Variants in FOXP2 observed in about 807,000 individuals in gnomAD.
FOXP2 encodes the protein forkhead box P2, also known as forkhead box protein P2.
A neutral mutation model predicts 115.8 loss-of-function variants in FOXP2; 12 were observed. The observed-to-expected ratio is 0.10, with a 90% CI of 0.07 to 0.17. The LOEUF is 0.17. FOXP2 is among the 10% of genes least tolerant of loss of function. The pLI is 1.00. For synonymous variants in FOXP2, 328 were observed against 297.7 expected, an observed-to-expected ratio of 1.10 and a Z score of -1.05; for missense variants, 629 against 843.5, an observed-to-expected ratio of 0.75 and a Z score of 3.15.
upstream of FOXP2, among the ~76,000 whole-genome samples, chr7:114,413,396 A>T (rs1477591717): frequency 1.3e-5 from 2 of 149,504 alleles, no homozygotes; most frequent in Non-Finnish European, 3.0e-5. Context: ...CTTTGTTCAC[A>T]ATCTGATAAA....
intron 2 of FOXP2, among the ~76,000 whole-genome samples, chr7:114,360,101 G>GT (rs1261496195): frequency 6.6e-6 from 1 of 152,042 alleles, no homozygotes; most frequent in African/African-American, 2.4e-5. Flanking sequence ...ACAGGGATGG[G>GT]TTTTTCCCAT....
chr7:114,155,645 G>A (rs958669387), intron 1 of FOXP2, among the ~76,000 whole-genome samples: 10 of 152,174 alleles, frequency 6.6e-5, no homozygotes, highest in East Asian at 1.9e-4. Context: ...CATGTGGCAC[G>A]AAAGTATTTT....
At chr7:114,672,142 C>T (rs1563071912) in intron 16 of FOXP2, among the ~76,000 whole-genome samples, 2 of 152,148 alleles carry the variant, frequency 1.3e-5, no homozygotes, top group African/African-American at 4.8e-5. Flanking sequence ...ATCAGCAAGA[C>T]ACTTAAAAGG....
chr7:114,662,697 A>G (rs920325955), intron 14 of FOXP2, among the ~76,000 whole-genome samples: 14 of 152,062 alleles, frequency 9.2e-5, no homozygotes, highest in African/African-American at 1.2e-4. Flanking sequence ...TTTTACTCCA[A>G]CTGTGATGGT....
chr7:114,248,563 T>C (rs1043613512), intron 1 of FOXP2, among the ~76,000 whole-genome samples: 2 of 152,200 alleles, frequency 1.3e-5, no homozygotes, highest in Non-Finnish European at 2.9e-5. Flanking sequence ...TGAATTTTTG[T>C]TTACTGTTGG....
At chr7:114,649,111 G>A (rs1806086918) in intron 8 of FOXP2, among the ~76,000 whole-genome samples, 1 of 151,916 alleles carries the variant, frequency 6.6e-6, no homozygotes, top group African/African-American at 2.4e-5. Flanking sequence ...TGATTGCATG[G>A]GTAATTTACA....
intron 1 of FOXP2, among the ~76,000 whole-genome samples, chr7:114,099,369 GAT>G (rs1225230912): frequency 6.6e-6 from 1 of 152,144 alleles, no homozygotes; most frequent in Non-Finnish European, 1.5e-5. Flanking sequence ...AAAGTCAAAA[GAT>G]AACAAATGTC....
intron 2 of FOXP2, among the ~76,000 whole-genome samples, chr7:114,307,185 C>G (rs1414823190): frequency 1.3e-5 from 2 of 152,056 alleles, no homozygotes; most frequent in African/African-American, 4.8e-5. Flanking sequence ...ATTAATTTGA[C>G]TGACAGGGGT....
intron 7 of FOXP2, among the ~76,000 whole-genome samples, chr7:114,643,220 T>G (rs1320503047): frequency 1.3e-5 from 2 of 152,174 alleles, no homozygotes; most frequent in Non-Finnish European, 2.9e-5. Flanking sequence ...GTGGAATGAT[T>G]GTATCAATAT....
At chr7:114,312,903 C>T (rs1797181183) in intron 2 of FOXP2, among the ~76,000 whole-genome samples, 1 of 152,104 alleles carries the variant, frequency 6.6e-6, no homozygotes, top group Non-Finnish European at 1.5e-5. Context: ...CAAGAGCAAT[C>T]AAGGGCTTCT....
At chr7:114,127,845 A>G (rs541437923) in intron 1 of FOXP2, among the ~76,000 whole-genome samples, 1 of 152,340 alleles carries the variant, frequency 6.6e-6, no homozygotes, top group Non-Finnish European at 1.5e-5. Flanking sequence ...CTTCTCCCAG[A>G]ATATTCCTTA....
At chr7:114,671,383 T>C (rs1277789053) in intron 16 of FOXP2, among the ~76,000 whole-genome samples, 2 of 152,168 alleles carry the variant, frequency 1.3e-5, no homozygotes, top group Non-Finnish European at 2.9e-5. Flanking sequence ...ATTTGTGGGT[T>C]CCTATAGGGT....
At chr7:114,549,376 A>G (rs1047924960) in intron 3 of FOXP2, among the ~76,000 whole-genome samples, 5 of 152,190 alleles carry the variant, frequency 3.3e-5, no homozygotes, top group African/African-American at 1.2e-4. Context: ...TATTTGAAAT[A>G]AATGAATCAT....
intron 2 of FOXP2, among the ~76,000 whole-genome samples, chr7:114,465,344 T>C (rs1445312387): frequency 2.6e-5 from 4 of 152,200 alleles, no homozygotes; most frequent in African/African-American, 9.6e-5. Context: ...TACTTTTTAC[T>C]CACTAGATTG....
In FOXP2 at chr7:114,414,875, CTCTG is replaced by C. The variant is rs1478651493; in HGVS notation, c.-492_-489del. ...CAAACTGGTGCTTTTGTCTCTCTCTCTCTGTCTTTCTCTCTCTCACACACACACT... is the reference window on the plus strand; with the variant it reads ...CAAACTGGTGCTTTTGTCTCTCTCTCTCTTTCTCTCTCTCACACACACACT... On this transcript the variant is annotated 5_prime_UTR_variant, in exon 1 of 17. It introduces an in-frame stop codon into an upstream open reading frame of the 5' UTR. Coordinates refer to ENST00000350908, the MANE Select transcript of FOXP2 (RefSeq NM_014491.4). 59 of 342,996 alleles carry C rather than the reference CTCTG, an allele frequency of 1.7e-4. No individual in the cohort carries two copies. The Admixed American group carries it at 2.1e-3, about 12-fold the overall frequency. The allele number at this position is 342,996 out of a possible 1,614,324, so 21.2% of individuals were successfully genotyped here.
chr7:114,361,741 T>C (rs1289789910), intron 2 of FOXP2, among the ~76,000 whole-genome samples: 1 of 152,120 alleles, frequency 6.6e-6, no homozygotes, highest in Non-Finnish European at 1.5e-5. Flanking sequence ...TTAAACATTA[T>C]TAAAAACTTG....
At chr7:114,478,637 T>C (rs1406783395) in intron 2 of FOXP2, among the ~76,000 whole-genome samples, 1 of 151,782 alleles carries the variant, frequency 6.6e-6, no homozygotes, top group Non-Finnish European at 1.5e-5. Flanking sequence ...CATTACCCCT[T>C]GTATTCAGAC....
intron 1 of FOXP2, among the ~76,000 whole-genome samples, chr7:114,271,558 T>C (rs1796042214): frequency 7.9e-6 from 1 of 127,320 alleles, no homozygotes; most frequent in Non-Finnish European, 1.6e-5. Flanking sequence ...TTATAATATA[T>C]AATATATAAT....
intron 1 of FOXP2, among the ~76,000 whole-genome samples, chr7:114,095,107 G>A (rs976789435): frequency 3.9e-5 from 6 of 152,082 alleles, no homozygotes; most frequent in Admixed American, 1.3e-4. Context: ...ATCCCACATC[G>A]TTAAATAGCC....
Sources: allele counts gnomAD v4.1 joint callset (sites outside exome capture counted in the v4.1 genomes callset), GRCh38; gene constraint gnomAD v4.1.1; transcripts MANE v1.5; gene names NCBI Gene and HGNC (gene_info 2026-07-23, HGNC 2026-07-21).